ZNF385D: variants seen among roughly 807,000 people sequenced by gnomAD.
The protein encoded by ZNF385D is zinc finger protein 659.
Under a neutral mutation model 35.8 loss-of-function variants are expected in ZNF385D, and 15 were observed. The ratio of observed to expected loss-of-function variants is 0.42; its 90% CI spans 0.28 to 0.64. The LOEUF (loss-of-function observed/expected upper bound fraction) is 0.64. Among genes scored for constraint, ZNF385D ranks in the 30% least tolerant of loss-of-function variants. ZNF385D has a pLI of 0.23. For synonymous variants in ZNF385D, 212 were observed against 186.8 expected (o/e 1.13, Z -1.10); for missense variants, 474 against 494.6 (o/e 0.96, Z 0.39).
At chr3:21,663,472 C>T (rs1355760482) in intron 2 of ZNF385D, among the ~76,000 whole-genome samples, 2 of 151,990 alleles carry the variant, frequency 1.3e-5, no homozygotes, top group African/African-American at 2.4e-5. Context: ...GGTAATTCCC[C>T]TGGGTGTCTG....
At chr3:21,827,092 T>C (rs1694690400) in intron 3 of ZNF385D, among the ~76,000 whole-genome samples, 1 of 152,184 alleles carries the variant, frequency 6.6e-6, no homozygotes, top group African/African-American at 2.4e-5. Context: ...CTATTTTACA[T>C]AGTTTCAGTG....
intron 3 of ZNF385D, among the ~76,000 whole-genome samples, chr3:21,548,190 C>T (rs2062445456): frequency 6.6e-6 from 1 of 152,028 alleles, no homozygotes; most frequent in Admixed American, 6.6e-5. Flanking sequence ...ATTTTCGTGG[C>T]GGTGATATGG....
At chr3:22,123,728 G>T (rs1366092576) in intron 3 of ZNF385D, among the ~76,000 whole-genome samples, 1 of 152,064 alleles carries the variant, frequency 6.6e-6, no homozygotes, top group African/African-American at 2.4e-5. Context: ...GGGTGTGGTG[G>T]TGGGCACCTG....
chr3:21,806,912 T>C (rs932396047), intron 3 of ZNF385D, among the ~76,000 whole-genome samples: 5 of 152,208 alleles, frequency 3.3e-5, no homozygotes, highest in Non-Finnish European at 7.3e-5. Flanking sequence ...AGAGCCAAGT[T>C]TGGAAAACAC....
At chr3:22,263,296 C>T (rs1456444151) in intron 2 of ZNF385D, among the ~76,000 whole-genome samples, 3 of 152,032 alleles carry the variant, frequency 2.0e-5, no homozygotes, top group Non-Finnish European at 4.4e-5. Flanking sequence ...GTTTCTCAAT[C>T]ATAAGCTTGT....
At chr3:21,940,125 T>C (rs899275094) in intron 3 of ZNF385D, among the ~76,000 whole-genome samples, 1 of 152,210 alleles carries the variant, frequency 6.6e-6, no homozygotes, top group Admixed American at 6.5e-5. Context: ...TTTTGTCTTG[T>C]TTGCGTTATT....
chr3:21,774,895 T>C (rs991116301), intron 3 of ZNF385D, among the ~76,000 whole-genome samples: 1 of 151,918 alleles, frequency 6.6e-6, no homozygotes, highest in Middle Eastern at 3.4e-3. Context: ...AAACTAAGGG[T>C]CTAAAACTGA....
intron 2 of ZNF385D, among the ~76,000 whole-genome samples, chr3:22,245,182 A>G (rs1699708549): frequency 6.6e-6 from 1 of 152,132 alleles, no homozygotes; most frequent in South Asian, 2.1e-4. Flanking sequence ...TTCCAGCAAC[A>G]TTATTATTTT....
At chr3:21,968,554 T>C (rs1703044327) in intron 3 of ZNF385D, among the ~76,000 whole-genome samples, 2 of 152,062 alleles carry the variant, frequency 1.3e-5, no homozygotes, top group Non-Finnish European at 1.5e-5. Flanking sequence ...GACTTTGTCT[T>C]GCATCTTGAA....
intron 2 of ZNF385D, among the ~76,000 whole-genome samples, chr3:22,245,633 C>T (rs772161056): frequency 2.0e-5 from 3 of 151,494 alleles, no homozygotes; most frequent in Non-Finnish European, 4.4e-5. Flanking sequence ...GACAGCTTGC[C>T]ACAACAGACA....
intron 3 of ZNF385D, among the ~76,000 whole-genome samples, chr3:21,849,036 C>T (rs1696201444): frequency 2.0e-5 from 3 of 152,076 alleles, no homozygotes; most frequent in South Asian, 2.1e-4. Context: ...ACTACTTCTA[C>T]GTGGTCACTC....
intron 4 of ZNF385D, among the ~76,000 whole-genome samples, chr3:21,506,332 G>C (rs1706777531): frequency 6.6e-6 from 1 of 152,166 alleles, no homozygotes; most frequent in Non-Finnish European, 1.5e-5. Context: ...AACCACAGCT[G>C]ATATGTAGTA....
chr3:21,897,000 A>T (rs1331783795), intron 3 of ZNF385D, among the ~76,000 whole-genome samples: 1 of 152,040 alleles, frequency 6.6e-6, no homozygotes, highest in Admixed American at 6.6e-5. Flanking sequence ...TTACAATTAG[A>T]GTATGGAATA....
intron 3 of ZNF385D, among the ~76,000 whole-genome samples, chr3:21,904,759 G>A (rs1161072428): frequency 1.3e-5 from 2 of 152,080 alleles, no homozygotes; most frequent in African/African-American, 4.8e-5. Context: ...AGAAAGAATA[G>A]CACTTATAAG....
At chr3:21,809,129 A>G (rs1263490382) in intron 3 of ZNF385D, among the ~76,000 whole-genome samples, 3 of 152,222 alleles carry the variant, frequency 2.0e-5, no homozygotes, top group African/African-American at 4.8e-5. Context: ...AAAAACACAC[A>G]AAGTACCAAG....
intron 2 of ZNF385D, among the ~76,000 whole-genome samples, chr3:22,266,656 G>A (rs115677959): frequency 0.012 from 1,798 of 151,944 alleles, 45 homozygotes; most frequent in Admixed American, 0.057. Flanking sequence ...ACTGTGCAAT[G>A]GAAATTTTCT....
intron 3 of ZNF385D, among the ~76,000 whole-genome samples, chr3:21,997,446 T>C: frequency 6.6e-6 from 1 of 151,930 alleles, no homozygotes; most frequent in Non-Finnish European, 1.5e-5. Context: ...CATGTATACA[T>C]ATGTAACAAA....
intron 3 of ZNF385D, among the ~76,000 whole-genome samples, chr3:21,761,631 C>T (rs1174188230): frequency 6.6e-6 from 1 of 152,052 alleles, no homozygotes; most frequent in Non-Finnish European, 1.5e-5. Context: ...CATTATATAT[C>T]TATAGAGAGG....
intron 3 of ZNF385D, among the ~76,000 whole-genome samples, chr3:22,166,121 A>T (rs1014603289): frequency 4.6e-5 from 7 of 152,166 alleles, no homozygotes; most frequent in Admixed American, 3.9e-4. Flanking sequence ...ATTTCAGACC[A>T]AACCAATATG....
Sources: allele counts gnomAD v4.1 joint callset (sites outside exome capture counted in the v4.1 genomes callset), GRCh38; gene constraint gnomAD v4.1.1; transcripts MANE v1.5; gene names NCBI Gene and HGNC (gene_info 2026-07-23, HGNC 2026-07-21).